PTPRS: variants seen among roughly 807,000 people sequenced by gnomAD.
PTPRS encodes receptor-type tyrosine-protein phosphatase S.
PTPRS carries 63 observed loss-of-function variants against 215.3 expected under a neutral mutation model. The observed-to-expected ratio is 0.29, with a 90% CI of 0.24 to 0.36. PTPRS has a LOEUF of 0.36. PTPRS is among the 10% of genes least tolerant of loss of function. PTPRS has a pLI of 1.00. For missense variants in PTPRS, 2,258 were observed against 2,825.8 expected (o/e 0.80, Z 4.56); for synonymous variants, 1,404 against 1,191.4 (o/e 1.18, Z -3.68).
chr19:5,210,587 C>G lies in PTPRS; in HGVS notation c.5369G>C (p.Cys1790Ser), dbSNP rs1169061301. The G allele has an allele frequency of 5.6e-6, 9 of 1,614,096 alleles. No homozygotes were observed. The highest frequency in any genetic ancestry group is 7.6e-6 in the Non-Finnish European group (9 of 1,180,038). The change falls in exon 35 of 38, where the codon TGT (cysteine) becomes TCT (serine). Residue 1790 changes from cysteine to serine, a missense_variant. This residue lies in a region of PTPRS where 927 missense variants were observed against 1,125.9 expected (regional missense o/e 0.82). Transcript: ENST00000262963. The surrounding 1 kb of genome is among the most constrained non-coding windows in gnomAD (Gnocchi z 4.5). ...TKLREMGREK[C>S]HQYWPAERSA... ...GCGCTCGGCCGGCCAGTACTGGTGA[C>G]ACTTCTCCTGTGGAGGAGATGGCGG...
In PTPRS at chr19:5,210,721, C is replaced by A. The variant is rs1445335545; in HGVS notation, c.5319G>T (p.Ser1773=). The change falls in exon 34 of 38, where the codon TCG becomes TCT. Residue 1773 remains serine, a synonymous_variant. Coordinates refer to ENST00000262963, the MANE Select transcript of PTPRS (RefSeq NM_002850.4). The surrounding 1 kb of genome is among the most constrained non-coding windows in gnomAD (Gnocchi z 4.5). ...DFWRMLWENN[S]TIVVMLTKLR... ...GCTTGGTCAGCATCACCACGATCGT[C>A]GAATTGTTCTCCCACAGCATGCGCC... 1.2e-6 allele frequency: 2 copies of A among 1,614,200 alleles called. No individual in the cohort carries two copies. The highest frequency in any genetic ancestry group is 2.2e-5 in the South Asian group (2 of 91,088).
At chr19:5,246,109 G>C (rs553342431) in intron 9 of PTPRS, 64 bp from the exon 10 acceptor site, 3 of 1,020,798 alleles carry the variant, frequency 2.9e-6, no homozygotes, top group African/African-American at 3.3e-5. Flanking sequence ...GTGAGGTTGG[G>C]AGGGGAAGAC....
rs964966640 is a variant in PTPRS at position 5,224,988 on chromosome 19, C to CCCACCA, written c.2494+733_2494+738dup. On this transcript the variant is annotated intron_variant, in intron 17 of 37. Coordinates refer to ENST00000262963, the MANE Select transcript of PTPRS (RefSeq NM_002850.4). ...TCCTGAAACACCCGAGCTTGTTCCGCCCACCACCACCACCACCACGCCCCA... is the reference window on the plus strand; with the variant it reads ...TCCTGAAACACCCGAGCTTGTTCCGCCCACCACCACCACCACCACCACCACGCCCCA... Among the ~76,000 whole-genome samples the CCCACCA allele has an allele frequency of 9.2e-5, 14 of 151,850 alleles. No homozygotes were observed. The East Asian group carries it at 1.7e-3, about 19-fold the overall frequency.
chr19:5,214,181 T>G (rs966129991), intron 30 of PTPRS, among the ~76,000 whole-genome samples, 180 bp downstream of exon 30: 34 of 152,198 alleles, frequency 2.2e-4, no homozygotes, highest in African/African-American at 8.0e-4. Context: ...CAGTGTCCTC[T>G]CTGAGCCTCA....
At position 5,244,540 on chromosome 19, in the gene PTPRS, G is replaced by T; in HGVS notation, c.989-58C>A. 7.0e-7 allele frequency: 1 copy of T among 1,425,646 alleles called. No homozygotes were observed. Among genetic ancestry groups the T allele is most frequent in the Non-Finnish European group, 9.6e-7 (1 of 1,037,108 alleles). 88.3% of individuals were successfully genotyped at this position (1,425,646 alleles called of 1,614,324 possible). ...GGCACATTGGTTGAGGACCCTGAAG[G>T]CTGTGTGACTTTTCACCATTCAGTC... On this transcript the variant is annotated intron_variant, in intron 10 of 37. Transcript: ENST00000262963. The surrounding 1 kb of genome is among the most constrained non-coding windows in gnomAD (Gnocchi z 7.2).
Position 5,222,685 on chromosome 19 carries a change from C to G in PTPRS, c.3103+4G>C, listed in dbSNP as rs1439563434. The G allele has an allele frequency of 1.9e-6, 3 of 1,576,150 alleles. No individual in the cohort carries two copies. Among genetic ancestry groups the G allele is most frequent in the Non-Finnish European group, 2.6e-6 (3 of 1,167,880 alleles). On this transcript the variant is annotated splice_donor_region_variant and intron_variant, in intron 18 of 37. Transcript: ENST00000262963. The stretch of plus-strand genomic sequence containing the variant: ...CTCTGGTGCAGGGGTCGCCGCGCGC[C>G]TACCTTGGTCCCGCAGGAACGTCCG...
intron 1 of PTPRS, among the ~76,000 whole-genome samples, chr19:5,304,382 A>T (rs928773934): frequency 2.6e-5 from 4 of 152,190 alleles, no homozygotes; most frequent in Non-Finnish European, 5.9e-5. Context: ...TGGGAAGCTG[A>T]GGCAGGAGGA....
chr19:5,255,981 A>ATT (rs34015774), intron 9 of PTPRS, 127 bp downstream of exon 9: 480 of 619,032 alleles, frequency 7.8e-4, no homozygotes, highest in South Asian at 2.0e-3. Flanking sequence ...TCATTTTTCT[A>ATT]TTTTTTTTCC....
rs377077717 is a variant in PTPRS at position 5,240,217 on chromosome 19, T to A, written c.1686A>T (p.Glu562Asp). The A allele has an allele frequency of 3.9e-6, 6 of 1,550,504 alleles. No homozygotes were observed. In the African/African-American group the frequency reaches 8.2e-5, roughly 21 times the overall value. ...SIIKYELLFR[E>D]GDHGREVGRT... ...GCCTCACCTCCCGGCCATGGTCGCC[T>A]TCCCGGAAGAGGAGCTCGTACTTGA... Residue 562 changes from glutamate (E) to aspartate (D), a missense_variant, in exon 12 of 38, where the codon GAA (glutamate) becomes GAT (aspartate). Glu to Asp is a conservative substitution (Grantham distance 45). This residue lies in a region of PTPRS where 371 missense variants were observed against 446.7 expected (regional missense o/e 0.83). Coordinates refer to ENST00000262963, the MANE Select transcript of PTPRS (RefSeq NM_002850.4).
intron 22 of PTPRS, 32 bp from the exon 23 acceptor site, chr19:5,219,499 G>A (rs2041786163): frequency 6.5e-7 from 1 of 1,535,226 alleles, no homozygotes; most frequent in East Asian, 2.3e-5. Flanking sequence ...CTCCATCAGT[G>A]TCCACCCTCC....
At chr19:5,336,402 A>T (rs1266263602) in intron 1 of PTPRS, among the ~76,000 whole-genome samples, 1 of 151,572 alleles carries the variant, frequency 6.6e-6, no homozygotes, top group Non-Finnish European at 1.5e-5. Flanking sequence ...TCCCTCGATC[A>T]CATCCCCTAC....
At chr19:5,259,475 G>C (rs772982506) in intron 7 of PTPRS, among the ~76,000 whole-genome samples, 2 of 152,174 alleles carry the variant, frequency 1.3e-5, no homozygotes, top group Non-Finnish European at 2.9e-5. Context: ...ATGAAGCTGA[G>C]TATATCTGAA....
At chr19:5,308,971 A>T (rs2049596852) in intron 1 of PTPRS, among the ~76,000 whole-genome samples, 1 of 152,156 alleles carries the variant, frequency 6.6e-6, no homozygotes, top group Non-Finnish European at 1.5e-5. Context: ...AGGCAAAAGG[A>T]ACCCTGGGTG....
At chr19:5,226,348 G>C (rs969524652) in intron 16 of PTPRS, among the ~76,000 whole-genome samples, 1 of 152,214 alleles carries the variant, frequency 6.6e-6, no homozygotes, top group Non-Finnish European at 1.5e-5. Context: ...TGGTGTGCTG[G>C]AGGTGCCCGG....
At chr19:5,246,230 C>A (rs1471351442) in intron 9 of PTPRS, among the ~76,000 whole-genome samples, 185 bp from the exon 10 acceptor site, 1 of 152,086 alleles carries the variant, frequency 6.6e-6, no homozygotes, top group Non-Finnish European at 1.5e-5. Context: ...TGGTTCTTTT[C>A]CCTCTGTTGA....
intron 2 of PTPRS, among the ~76,000 whole-genome samples, chr19:5,276,309 G>T (rs1005265993): frequency 6.6e-6 from 1 of 151,968 alleles, no homozygotes; most frequent in Admixed American, 6.6e-5. Flanking sequence ...TGCAACCTCC[G>T]CCTCCCAGGT....
intron 13 of PTPRS, among the ~76,000 whole-genome samples, chr19:5,238,195 G>C (rs2043650504): frequency 6.6e-6 from 1 of 152,138 alleles, no homozygotes. Context: ...GGCCTGTCCA[G>C]CTCCGAGTTT....
chr19:5,339,782 C>T lies in PTPRS; in HGVS notation c.-95+882G>A, dbSNP rs960942780. On this transcript the variant is annotated intron_variant, in intron 1 of 37. Transcript: ENST00000262963. This position sits in a 1 kb window ranked among gnomAD's most constrained non-coding sequence, Gnocchi z 4.2. ...CCTCCCCCCGCAGCCCCCGGGGGCT[C>T]CCGGGGCGTGCGGAACCCGCGGGGC... Among the ~76,000 whole-genome samples, 1 of 151,670 alleles carries T rather than the reference C, an allele frequency of 6.6e-6. No homozygotes were observed. Among genetic ancestry groups the T allele is most frequent in the Non-Finnish European group, 1.5e-5 (1 of 67,808 alleles).
At chr19:5,309,034 C>CT (rs1190556648) in intron 1 of PTPRS, among the ~76,000 whole-genome samples, 1 of 152,144 alleles carries the variant, frequency 6.6e-6, no homozygotes, top group Non-Finnish European at 1.5e-5. Flanking sequence ...CTGCCTGGCA[C>CT]TAGGCCCTGG....
Sources: gnomAD v4.1 joint callset for allele counts (sites outside exome capture counted in the v4.1 genomes callset) on GRCh38, gnomAD v4.1.1 for gene constraint, gnomAD v4.1.1 regional missense constraint, Gnocchi (gnomAD v3.1) non-coding constraint, MANE v1.5 for transcripts, NCBI Gene and HGNC (gene_info 2026-07-23, HGNC 2026-07-21) for gene names.